Variants in OPCML observed in about 807,000 individuals in gnomAD.
The protein encoded by OPCML is opioid-binding protein/cell adhesion molecule.
In OPCML, 13 loss-of-function variants were observed where a neutral mutation model predicts 37.8. The ratio of observed to expected loss-of-function variants is 0.34; its 90% CI spans 0.22 to 0.55. The LOEUF is 0.55. Among genes scored for constraint, OPCML ranks in the 20% least tolerant of loss-of-function variants. OPCML has a pLI of 0.91. For synonymous variants in OPCML, 176 were observed against 168.8 expected (o/e 1.04, Z -0.33); for missense variants, 341 against 435.6 (o/e 0.78, Z 1.93).
chr11:132,513,278 G>A (rs1402271402), intron 4 of OPCML, among the ~76,000 whole-genome samples: 2 of 152,186 alleles, frequency 1.3e-5, no homozygotes, highest in African/African-American at 4.8e-5. Flanking sequence ...GAATGTGGAA[G>A]GGAAAGAGAA....
At chr11:133,037,174 G>T (rs1472296004) in intron 1 of OPCML, among the ~76,000 whole-genome samples, 1 of 152,208 alleles carries the variant, frequency 6.6e-6, no homozygotes, top group Non-Finnish European at 1.5e-5. Context: ...TGAACACTAT[G>T]AAAAGACAAG....
rs1175476046 is a variant in OPCML at position 132,688,973 on chromosome 11, A to T, written c.147-31654T>A. Among the ~76,000 whole-genome samples, 5 of 150,266 alleles carry T rather than the reference A, an allele frequency of 3.3e-5. 2 individuals are homozygous for T. Among genetic ancestry groups the T allele is most frequent in the African/African-American group, 1.2e-4 (5 of 40,842 alleles). On this transcript the variant is annotated intron_variant, in intron 2 of 7. Transcript: ENST00000524381. Reference sequence around the variant, plus strand: ...CTCCGTCTCAAAAAAAAAAAAAAAAAAAAAAAAAAAATAGAAAAGCTCCTT... The same window carrying T: ...CTCCGTCTCAAAAAAAAAAAAAAAATAAAAAAAAAAATAGAAAAGCTCCTT...
At chr11:133,274,546 C>T (rs1941939336) in intron 1 of OPCML, among the ~76,000 whole-genome samples, 1 of 152,202 alleles carries the variant, frequency 6.6e-6, no homozygotes, top group Non-Finnish European at 1.5e-5. Flanking sequence ...TGCCAGTGCC[C>T]TGGTTTTGAA....
chr11:132,633,259 G>C (rs1230078123), intron 3 of OPCML, among the ~76,000 whole-genome samples: 13 of 152,144 alleles, frequency 8.5e-5, no homozygotes, highest in Non-Finnish European at 1.6e-4. Flanking sequence ...CTGGAGTTCA[G>C]TGGTGTGATC....
chr11:133,411,061 A>G (rs1357397230), intron 1 of OPCML, among the ~76,000 whole-genome samples: 1 of 152,164 alleles, frequency 6.6e-6, no homozygotes, highest in African/African-American at 2.4e-5. Context: ...ACCCTGAGGA[A>G]TTAGACAGAT....
rs1365890229 is a variant in OPCML at position 133,400,322 on chromosome 11, C to G, written c.61+131942G>C. 2.0e-5 allele frequency among the ~76,000 whole-genome samples: 3 copies of G among 152,210 alleles called. No homozygotes were observed. The East Asian group carries it at 5.8e-4, about 29-fold the overall frequency. On this transcript the variant is annotated intron_variant, in intron 1 of 7. Transcript: ENST00000524381. The stretch of plus-strand genomic sequence containing the variant: ...TGATCCTGACCAACGGGCATCCCCA[C>G]TAATTTGAATTATTTCAGGGAGATA...
intron 2 of OPCML, among the ~76,000 whole-genome samples, chr11:132,722,078 C>T (rs1288603265): frequency 6.7e-6 from 1 of 149,702 alleles, no homozygotes; most frequent in Non-Finnish European, 1.5e-5. Flanking sequence ...GCCTCAGCCT[C>T]CCGAGTAGCT....
chr11:132,803,415 AGTG>A (rs1295138074), intron 2 of OPCML, among the ~76,000 whole-genome samples: 3 of 152,208 alleles, frequency 2.0e-5, no homozygotes, highest in African/African-American at 4.8e-5. Flanking sequence ...AAAAGAATAC[AGTG>A]GGTAAGGATG....
chr11:132,623,478 G>T (rs576327074), intron 3 of OPCML, among the ~76,000 whole-genome samples: 3 of 152,142 alleles, frequency 2.0e-5, no homozygotes, highest in Non-Finnish European at 2.9e-5. Context: ...GCATTTTATT[G>T]CTTCTACAAA....
chr11:133,195,749 A>G (rs1397388867), intron 1 of OPCML, among the ~76,000 whole-genome samples: 1 of 152,184 alleles, frequency 6.6e-6, no homozygotes, highest in Non-Finnish European at 1.5e-5. Flanking sequence ...ATAAGATTAT[A>G]AGCTCTATAA....
At chr11:133,011,128 A>G (rs1947204656) in intron 1 of OPCML, among the ~76,000 whole-genome samples, 2 of 152,250 alleles carry the variant, frequency 1.3e-5, no homozygotes, top group Admixed American at 6.5e-5. Context: ...CAGGGTAAAC[A>G]TGGAGACAAG....
At chr11:132,574,289 A>C (rs1219310586) in intron 3 of OPCML, among the ~76,000 whole-genome samples, 3 of 124,616 alleles carry the variant, frequency 2.4e-5, no homozygotes, top group Admixed American at 7.8e-5. Flanking sequence ...GTTTTTGCCT[A>C]GCTAAACCTG....
chr11:132,564,680 G>A (rs2096418292), intron 3 of OPCML, among the ~76,000 whole-genome samples: 1 of 152,136 alleles, frequency 6.6e-6, no homozygotes, highest in Non-Finnish European at 1.5e-5. Flanking sequence ...CTGCTCCTAA[G>A]GGAGTGTTCC....
chr11:133,490,925 G>A (rs1947640726), intron 1 of OPCML, among the ~76,000 whole-genome samples: 1 of 152,128 alleles, frequency 6.6e-6, no homozygotes, highest in African/African-American at 2.4e-5. Context: ...TTCTTTAACT[G>A]CCAATCTCTT....
chr11:133,380,653 A>G (rs1024138130), intron 1 of OPCML, among the ~76,000 whole-genome samples: 6 of 152,162 alleles, frequency 3.9e-5, no homozygotes, highest in Admixed American at 2.0e-4. Flanking sequence ...CTCTTTAAAT[A>G]TTTTTTAATC....
At chr11:133,190,262 C>A (rs1264807279) in intron 1 of OPCML, among the ~76,000 whole-genome samples, 1 of 152,150 alleles carries the variant, frequency 6.6e-6, no homozygotes, top group Non-Finnish European at 1.5e-5. Flanking sequence ...TTCCATCTTG[C>A]AAGGCAGTAT....
intron 3 of OPCML, among the ~76,000 whole-genome samples, chr11:132,568,049 C>T (rs919795634): frequency 2.6e-4 from 38 of 148,600 alleles, no homozygotes; most frequent in Non-Finnish European, 3.6e-4. Flanking sequence ...TGTGCGCGCG[C>T]GCGCGTGTGT....
intron 1 of OPCML, among the ~76,000 whole-genome samples, chr11:132,950,350 A>G (rs1255741791): frequency 6.6e-6 from 1 of 152,122 alleles, no homozygotes; most frequent in Non-Finnish European, 1.5e-5. Flanking sequence ...AGTAGTTAGG[A>G]CTTCCTGAGA....
chr11:133,055,149 T>C (rs1327366445), intron 1 of OPCML, among the ~76,000 whole-genome samples: 3 of 148,222 alleles, frequency 2.0e-5, no homozygotes, highest in Non-Finnish European at 4.5e-5. Context: ...TGAGACCCCA[T>C]GAGGGAGCCG....
Sources: allele counts gnomAD v4.1 joint callset (sites outside exome capture counted in the v4.1 genomes callset), GRCh38; gene constraint gnomAD v4.1.1; transcripts MANE v1.5; gene names NCBI Gene and HGNC (gene_info 2026-07-23, HGNC 2026-07-21).